Variants in MDGA2 observed in about 807,000 individuals in gnomAD.
The protein encoded by MDGA2 is MAM domain containing glycosylphosphatidylinositol anchor 2.
In MDGA2, 40 loss-of-function variants were observed where a neutral mutation model predicts 117.8. That is an observed-to-expected ratio of 0.34 (90% CI 0.26 to 0.44). The LOEUF is 0.44. Ranked by LOEUF, MDGA2 falls within the 20% of genes least tolerant of loss-of-function variation. The pLI, the probability that MDGA2 is intolerant of heterozygous loss-of-function variation, is 1.00. For missense variants in MDGA2, 1,123 were observed against 1,250.6 expected, an observed-to-expected ratio of 0.90 and a Z score of 1.54; for synonymous variants, 452 against 439.0, an observed-to-expected ratio of 1.03 and a Z score of -0.37.
chr14:47,671,145 G>A (rs1380311476), intron 1 of MDGA2, among the ~76,000 whole-genome samples: 1 of 152,104 alleles, frequency 6.6e-6, no homozygotes, highest in East Asian at 1.9e-4. Context: ...TGGAAGGCAG[G>A]CAGTTAAGAG....
At chr14:47,674,436 GGC>G (rs1898136633) in intron 1 of MDGA2, 79 bp downstream of exon 1, 1 of 1,252,978 alleles carries the variant, frequency 8.0e-7, no homozygotes, top group Admixed American at 2.4e-5. Flanking sequence ...GCCCCGGAAC[GGC>G]GCGAGTCGTG....
chr14:46,907,425 A>G (rs1057415673), intron 10 of MDGA2, among the ~76,000 whole-genome samples: 4 of 152,148 alleles, frequency 2.6e-5, no homozygotes, highest in African/African-American at 7.2e-5. Flanking sequence ...GTTGACCTCT[A>G]TATTATTCTA....
At chr14:47,344,237 A>G (rs1187761501) in intron 1 of MDGA2, among the ~76,000 whole-genome samples, 1 of 152,176 alleles carries the variant, frequency 6.6e-6, no homozygotes, top group East Asian at 1.9e-4. Context: ...TATTTTTCAC[A>G]ATGCTGTATT....
chr14:47,339,427 G>C (rs1456586319), intron 1 of MDGA2, among the ~76,000 whole-genome samples: 1 of 152,068 alleles, frequency 6.6e-6, no homozygotes, highest in East Asian at 1.9e-4. Flanking sequence ...TTAATCCCCA[G>C]TGTGGTGGTA....
chr14:47,000,988 A>G (rs1887511945), intron 8 of MDGA2, among the ~76,000 whole-genome samples: 1 of 152,074 alleles, frequency 6.6e-6, no homozygotes, highest in Non-Finnish European at 1.5e-5. Flanking sequence ...AAAAAATACT[A>G]CATCATCAGC....
chr14:47,155,592 C>G (rs944608604), intron 3 of MDGA2, among the ~76,000 whole-genome samples: 1 of 152,078 alleles, frequency 6.6e-6, no homozygotes, highest in African/African-American at 2.4e-5. Flanking sequence ...TTGCCCACCC[C>G]GCTACAGCTG....
At chr14:47,522,994 C>T (rs1354237315) in intron 1 of MDGA2, among the ~76,000 whole-genome samples, 1 of 152,176 alleles carries the variant, frequency 6.6e-6, no homozygotes, top group African/African-American at 2.4e-5. Context: ...AAATAACCCA[C>T]ATTTCCAAGC....
chr14:47,232,737 G>A (rs1225085624), intron 2 of MDGA2, among the ~76,000 whole-genome samples: 1 of 152,110 alleles, frequency 6.6e-6, no homozygotes, highest in Non-Finnish European at 1.5e-5. Context: ...CAACACCATA[G>A]ACTCTAACTG....
intron 9 of MDGA2, among the ~76,000 whole-genome samples, chr14:46,939,772 T>C (rs1175958173): frequency 6.6e-6 from 1 of 152,162 alleles, no homozygotes; most frequent in Non-Finnish European, 1.5e-5. Flanking sequence ...AAGTGAAGAT[T>C]AGAGATCTTA....
chr14:47,336,279 G>C lies in MDGA2; in HGVS notation c.281-34729C>G, dbSNP rs138283283. Reference sequence around the variant, plus strand: ...GAAGAGTTTTGGTGGACAGAGTGATGGGAAGCAGGGCAGCGGGGAGACTCT... The same window carrying C: ...GAAGAGTTTTGGTGGACAGAGTGATCGGAAGCAGGGCAGCGGGGAGACTCT... On this transcript the variant is annotated intron_variant, in intron 1 of 16. Coordinates refer to ENST00000399232, the MANE Select transcript of MDGA2 (RefSeq NM_001113498.3). Among the ~76,000 whole-genome samples, 7 of 151,934 alleles carry C rather than the reference G, an allele frequency of 4.6e-5. No individual in the cohort carries two copies. The East Asian group carries it at 1.4e-3, about 30-fold the overall frequency.
chr14:47,072,195 T>C (rs1473509697), intron 6 of MDGA2, among the ~76,000 whole-genome samples: 1 of 151,186 alleles, frequency 6.6e-6, no homozygotes. Context: ...TCACACGTTC[T>C]AAGAAAGGAG....
chr14:47,279,802 T>C (rs1888417942), intron 2 of MDGA2, among the ~76,000 whole-genome samples: 1 of 152,150 alleles, frequency 6.6e-6, no homozygotes, highest in African/African-American at 2.4e-5. Flanking sequence ...TCAAATGATA[T>C]GTTGCCCCCG....
chr14:47,420,789 A>G (rs1892562264), intron 1 of MDGA2, among the ~76,000 whole-genome samples: 1 of 151,872 alleles, frequency 6.6e-6, no homozygotes, highest in African/African-American at 2.4e-5. Context: ...TTCAAAAGCA[A>G]TATCTAAAAG....
At chr14:47,215,595 G>T (rs1210986096) in intron 3 of MDGA2, among the ~76,000 whole-genome samples, 3 of 151,820 alleles carry the variant, frequency 2.0e-5, no homozygotes, top group Non-Finnish European at 4.4e-5. Context: ...ACTATCTGAA[G>T]GAATTAATTT....
At chr14:47,383,615 T>C (rs1332697049) in intron 1 of MDGA2, among the ~76,000 whole-genome samples, 1 of 152,116 alleles carries the variant, frequency 6.6e-6, no homozygotes, top group African/African-American at 2.4e-5. Flanking sequence ...CTCAGCTCAG[T>C]GCAACCTCCA....
chr14:47,476,764 A>T (rs1274359245), intron 1 of MDGA2, among the ~76,000 whole-genome samples: 2 of 152,252 alleles, frequency 1.3e-5, no homozygotes, highest in Non-Finnish European at 2.9e-5. Flanking sequence ...TTGAAAATAT[A>T]AAAACATGAC....
intron 5 of MDGA2, among the ~76,000 whole-genome samples, chr14:47,127,572 T>A (rs1439012420): frequency 6.6e-6 from 1 of 152,142 alleles, no homozygotes; most frequent in African/African-American, 2.4e-5. Context: ...TAAACTCAAT[T>A]ACTTACCATA....
chr14:47,616,867 CTA>C (rs1594945560), intron 1 of MDGA2, among the ~76,000 whole-genome samples: 1 of 152,240 alleles, frequency 6.6e-6, no homozygotes, highest in East Asian at 1.9e-4. Flanking sequence ...TCATATGTGA[CTA>C]TTTAAATTAA....
At chr14:46,979,439 A>T (rs991851540) in intron 8 of MDGA2, among the ~76,000 whole-genome samples, 1 of 152,210 alleles carries the variant, frequency 6.6e-6, no homozygotes, top group Admixed American at 6.6e-5. Context: ...TAAAATGATT[A>T]AACTTACTAA....
Sources: gnomAD v4.1 joint callset for allele counts (sites outside exome capture counted in the v4.1 genomes callset) on GRCh38, gnomAD v4.1.1 for gene constraint, MANE v1.5 for transcripts, NCBI Gene and HGNC (gene_info 2026-07-23, HGNC 2026-07-21) for gene names.